The following PCBP3 variants were observed in gnomAD, a reference collection of about 807,000 sequenced individuals.
The protein encoded by PCBP3 is poly(rC)-binding protein 3.
A neutral mutation model predicts 52.7 loss-of-function variants in PCBP3; 25 were observed. That is an observed-to-expected ratio of 0.47 (90% CI 0.35 to 0.66). The LOEUF (loss-of-function observed/expected upper bound fraction) is 0.66. PCBP3 is among the 30% of genes least tolerant of loss of function. The probability of loss-of-function intolerance (pLI) is 0.01; values close to 1 mark genes in which losing one functional copy is unlikely to be tolerated. For synonymous variants in PCBP3, 162 were observed against 183.0 expected (o/e 0.89, Z 0.93); for missense variants, 391 against 490.3 (o/e 0.80, Z 1.91).
At chr21:45,852,268 C>T (rs1311761675) in intron 5 of PCBP3, among the ~76,000 whole-genome samples, 1 of 152,222 alleles carries the variant, frequency 6.6e-6, no homozygotes, top group Non-Finnish European at 1.5e-5. Context: ...CTGACGGCTT[C>T]GAAGGTCGAG....
At chr21:45,753,166 C>T (rs944637491) in intron 3 of PCBP3, among the ~76,000 whole-genome samples, 2 of 146,358 alleles carry the variant, frequency 1.4e-5, no homozygotes, top group Non-Finnish European at 3.0e-5. Flanking sequence ...AGATGTTTCT[C>T]CAACTGATAC....
In PCBP3 at chr21:45,800,136, G is replaced by A. The variant is rs1283270464; in HGVS notation, c.-126+44684G>A. 2.0e-5 allele frequency among the ~76,000 whole-genome samples: 3 copies of A among 152,210 alleles called. No individual in the cohort carries two copies. Among genetic ancestry groups the A allele is most frequent in the Admixed American group, 6.5e-5 (1 of 15,284 alleles). On this transcript the variant is annotated intron_variant, in intron 4 of 17. Transcript: ENST00000681687. This position sits in a 1 kb window ranked among gnomAD's most constrained non-coding sequence, Gnocchi z 5.3. ...TGCAGCTGCCTTTTTGGAGGAGGCT[G>A]CAGGAGCACAGAGTAATGGCTGCAG...
In PCBP3 at chr21:45,880,446, T is replaced by C. The variant is rs2095374204; in HGVS notation, c.11-15762T>C. Among the ~76,000 whole-genome samples the C allele has an allele frequency of 6.6e-6, 1 of 151,800 alleles. No homozygotes were observed. The highest frequency in any genetic ancestry group is 2.1e-4 in the South Asian group (1 of 4,802). On this transcript the variant is annotated intron_variant, in intron 5 of 17. Transcript: ENST00000681687. The surrounding 1 kb of genome is among the most constrained non-coding windows in gnomAD (Gnocchi z 5.4). ...TCTGAATGAAAAACGCAGGAGTGGG[T>C]GGTGTGGGAGAAAATAGGATTACGG...
intron 9 of PCBP3, among the ~76,000 whole-genome samples, chr21:45,903,696 G>A (rs1448407166): frequency 6.6e-6 from 1 of 152,204 alleles, no homozygotes; most frequent in East Asian, 1.9e-4. Context: ...GAATAAGAGG[G>A]AGAATGATTA....
intron 13 of PCBP3, chr21:45,919,022 G>T (rs1024576483): frequency 6.5e-6 from 1 of 152,828 alleles, no homozygotes; most frequent in Non-Finnish European, 1.5e-5. Context: ...GAGATAAAAG[G>T]TGCAAACTGT....
chr21:45,895,452 C>T (rs1238007991), intron 5 of PCBP3, among the ~76,000 whole-genome samples: 1 of 152,190 alleles, frequency 6.6e-6, no homozygotes, highest in Admixed American at 6.5e-5. Context: ...CCCAGTACCT[C>T]GGAGCAGGGT....
chr21:45,797,709 G>GAC (rs1569235708), intron 4 of PCBP3, among the ~76,000 whole-genome samples: 7 of 6,122 alleles, frequency 1.1e-3, no homozygotes, highest in Non-Finnish European at 2.1e-3. Flanking sequence ...TGGATCCACA[G>GAC]AGAGTGAATG....
At chr21:45,815,669 GATGA>G (rs766710180) in intron 4 of PCBP3, among the ~76,000 whole-genome samples, 178 of 63,776 alleles carry the variant, frequency 2.8e-3, no homozygotes, top group African/African-American at 3.8e-3. Flanking sequence ...AGTGGTGAGT[GATGA>G]GTGAGTGGTG....
At chr21:45,784,460 C>T (rs1247328106) in intron 4 of PCBP3, among the ~76,000 whole-genome samples, 1 of 151,768 alleles carries the variant, frequency 6.6e-6, no homozygotes, top group African/African-American at 2.4e-5. Flanking sequence ...CTACCTCCTA[C>T]CTCCTACCTC....
intron 16 of PCBP3, among the ~76,000 whole-genome samples, chr21:45,936,394 C>G (rs1332529371): frequency 2.0e-5 from 3 of 152,204 alleles, no homozygotes; most frequent in Non-Finnish European, 4.4e-5. Flanking sequence ...CACAGAGTCC[C>G]CATGTCTGCT....
Position 45,827,918 on chromosome 21 carries a change from G to A in PCBP3, c.-125-22043G>A, listed in dbSNP as rs2093348025. 6.6e-6 allele frequency: 1 copy of A among 152,286 alleles called. No individual in the cohort carries two copies. Among genetic ancestry groups the A allele is most frequent in the African/African-American group, 2.4e-5 (1 of 41,446 alleles). The allele number at this position is 152,286 out of a possible 1,614,324, so 9.4% of individuals were successfully genotyped here. A position where few individuals can be genotyped will look rare whatever the true frequency, so the allele number is the denominator to read the frequency against. The stretch of plus-strand genomic sequence containing the variant: ...GGAAGGAGGCAGAGCAGCTCTGAGG[G>A]GCTTGGGGAGGCTGTAGTAATGAAA... On this transcript the variant is annotated intron_variant, in intron 4 of 17. Transcript: ENST00000681687. This position sits in a 1 kb window ranked among gnomAD's most constrained non-coding sequence, Gnocchi z 4.3.
chr21:45,912,740 G>A (rs1261573655), intron 11 of PCBP3, among the ~76,000 whole-genome samples: 4 of 152,188 alleles, frequency 2.6e-5, no homozygotes, highest in Non-Finnish European at 5.9e-5. Context: ...ATAGCACAGG[G>A]GCACTGGCCC....
chr21:45,832,361 G>A (rs2093472796), intron 4 of PCBP3, among the ~76,000 whole-genome samples: 1 of 152,168 alleles, frequency 6.6e-6, no homozygotes, highest in African/African-American at 2.4e-5. Flanking sequence ...TTATGACCCT[G>A]TATCTTGTGC....
At chr21:45,923,555 CT>C (rs2074783567) in intron 13 of PCBP3, among the ~76,000 whole-genome samples, 1 of 152,156 alleles carries the variant, frequency 6.6e-6, no homozygotes, top group Non-Finnish European at 1.5e-5. Flanking sequence ...GACTTTGCAT[CT>C]TTACAGGACC....
intron 4 of PCBP3, among the ~76,000 whole-genome samples, chr21:45,786,289 C>CTTTTTTTTTTTTTTTTTTT (rs55719581): frequency 7.0e-6 from 1 of 142,692 alleles, no homozygotes; most frequent in African/African-American, 2.6e-5. Context: ...ATTTAAGTAT[C>CTTTTTTTTTTTTTTTTTTT]TTTTTTTTTT....
chr21:45,839,452 C>T (rs1235861666), intron 4 of PCBP3, among the ~76,000 whole-genome samples: 1 of 152,146 alleles, frequency 6.6e-6, no homozygotes, highest in Non-Finnish European at 1.5e-5. Context: ...CGTGGTTGGC[C>T]CAACCCCATT....
At chr21:45,688,844 A>T (rs910481481) in intron 2 of PCBP3, among the ~76,000 whole-genome samples, 1 of 151,854 alleles carries the variant, frequency 6.6e-6, no homozygotes, top group African/African-American at 2.4e-5. Context: ...GAACTTGATA[A>T]CTTAGAAAAA....
chr21:45,822,719 C>T (rs887350591), intron 4 of PCBP3, among the ~76,000 whole-genome samples: 35 of 146,224 alleles, frequency 2.4e-4, no homozygotes, highest in South Asian at 1.5e-3. Context: ...GTTAGGTGCA[C>T]GAGGGGCAGA....
intron 1 of PCBP3, among the ~76,000 whole-genome samples, chr21:45,645,962 C>G (rs2079221233): frequency 6.6e-6 from 1 of 152,086 alleles, no homozygotes; most frequent in Admixed American, 6.5e-5. Context: ...TGGGGCAGCT[C>G]TGATGTCTCA....
Sources: allele counts gnomAD v4.1 joint callset (sites outside exome capture counted in the v4.1 genomes callset), GRCh38; gene constraint gnomAD v4.1.1; non-coding constraint Gnocchi (gnomAD v3.1); transcripts MANE v1.5; gene names NCBI Gene and HGNC (gene_info 2026-07-23, HGNC 2026-07-21).